The following SMOC2 variants were observed in gnomAD, a reference collection of about 807,000 sequenced individuals.
The protein encoded by SMOC2 is SPARC-related modular calcium-binding protein 2.
Under a neutral mutation model 61.4 loss-of-function variants are expected in SMOC2, and 39 were observed. The observed-to-expected ratio is 0.64, with a 90% CI of 0.49 to 0.83. The LOEUF (loss-of-function observed/expected upper bound fraction) is 0.83, where lower values mean the gene tolerates loss of function less well. Among genes scored for constraint, SMOC2 ranks in the 40% least tolerant of loss-of-function variants. The pLI, the probability that SMOC2 is intolerant of heterozygous loss-of-function variation, is 0.00. For synonymous variants in SMOC2, 247 were observed against 239.9 expected (o/e 1.03, Z -0.27); for missense variants, 556 against 592.9 (o/e 0.94, Z 0.65).
chr6:168,587,581 AGG>A (rs1785072865), intron 7 of SMOC2, among the ~76,000 whole-genome samples: 1 of 152,194 alleles, frequency 6.6e-6, no homozygotes, highest in South Asian at 2.1e-4. Flanking sequence ...TACATCTGAG[AGG>A]AGGATAGAGG....
intron 1 of SMOC2, among the ~76,000 whole-genome samples, chr6:168,498,306 T>C (rs954145397): frequency 1.3e-5 from 2 of 152,220 alleles, no homozygotes; most frequent in East Asian, 3.8e-4. Flanking sequence ...CTCTAAATGC[T>C]TTGAAATGAG....
chr6:168,564,582 TTATAA>T, intron 7 of SMOC2, among the ~76,000 whole-genome samples: 1 of 152,204 alleles, frequency 6.6e-6, no homozygotes, highest in Non-Finnish European at 1.5e-5. Context: ...GAGTTAGACT[TTATAA>T]AATGTAGTGG....
intron 2 of SMOC2, among the ~76,000 whole-genome samples, chr6:168,520,518 C>T (rs980428336): frequency 3.3e-5 from 5 of 152,240 alleles, no homozygotes; most frequent in African/African-American, 7.2e-5. Flanking sequence ...GAAGAGTTTA[C>T]ATGGCCGTGG....
rs901897378 is a variant in SMOC2 at position 168,444,471 on chromosome 6, A to G, written c.84+3017A>G. Among the ~76,000 whole-genome samples the G allele has an allele frequency of 9.2e-5, 14 of 152,252 alleles. No individual in the cohort carries two copies. In the East Asian group the frequency reaches 2.7e-3, roughly 29 times the overall value. On this transcript the variant is annotated intron_variant, in intron 1 of 12. Coordinates refer to ENST00000356284, the MANE Select transcript of SMOC2 (RefSeq NM_001166412.2). Reference sequence around the variant, plus strand: ...GATCTCTCTTCTTTCCACCAAAGTCATTCTTTAGAAATGGCACCATGAGGC... The same window carrying G: ...GATCTCTCTTCTTTCCACCAAAGTCGTTCTTTAGAAATGGCACCATGAGGC...
At chr6:168,592,327 T>G (rs1053929400) in intron 7 of SMOC2, among the ~76,000 whole-genome samples, 3 of 145,842 alleles carry the variant, frequency 2.1e-5, no homozygotes, top group African/African-American at 7.5e-5. Context: ...CGGGCGTCTT[T>G]CTAGAGGATC....
chr6:168,615,672 C>T (rs1459924424), intron 9 of SMOC2, among the ~76,000 whole-genome samples: 2 of 138,364 alleles, frequency 1.4e-5, no homozygotes, highest in African/African-American at 2.7e-5. Context: ...GGGGCCTCTT[C>T]ACACCTACAG....
In SMOC2 at chr6:168,599,022, A is replaced by C. The variant is rs1369300950; in HGVS notation, c.824+18A>C. The stretch of plus-strand genomic sequence containing the variant: ...TCCACAAGGTAAATAGGGTGCACCC[A>C]CCCCCCCCGGGACCATGGGAGGCTT... On this transcript the variant is annotated intron_variant, in intron 8 of 12. Coordinates refer to ENST00000356284, the MANE Select transcript of SMOC2 (RefSeq NM_001166412.2). The C allele has an allele frequency of 8.4e-6, 13 of 1,538,556 alleles. No homozygotes were observed. Among genetic ancestry groups the C allele is most frequent in the Admixed American group, 2.0e-5 (1 of 50,770 alleles).
At chr6:168,599,153 C>CCACACACACCCACGCTCT (rs1554247588) in intron 8 of SMOC2, 149 bp downstream of exon 8, 3 of 696,464 alleles carry the variant, frequency 4.3e-6, no homozygotes, top group Admixed American at 2.8e-5. Context: ...ACACACATAC[C>CCACACACACCCACGCTCT]CACACACACC....
chr6:168,449,038 G>GT (rs1348007805), intron 1 of SMOC2, among the ~76,000 whole-genome samples: 1 of 152,054 alleles, frequency 6.6e-6, no homozygotes, highest in African/African-American at 2.4e-5. Flanking sequence ...TAATTACCTG[G>GT]TTTTTTCTTT....
At chr6:168,516,600 C>T (rs1299848096) in intron 2 of SMOC2, among the ~76,000 whole-genome samples, 2 of 151,754 alleles carry the variant, frequency 1.3e-5, no homozygotes, top group African/African-American at 4.8e-5. Context: ...CTCAGCAAAG[C>T]GGCTGGGACT....
In SMOC2 at chr6:168,630,239, G is replaced by A. The variant is rs546075436; in HGVS notation, c.908-20442G>A. On this transcript the variant is annotated intron_variant, in intron 9 of 12. Coordinates refer to ENST00000356284, the MANE Select transcript of SMOC2 (RefSeq NM_001166412.2). ...ACAACAGAAGCCTGTCCTGTTGCGGGAAGTCAGGGACCCCAAACGGAGGGA... is the reference window on the plus strand; with the variant it reads ...ACAACAGAAGCCTGTCCTGTTGCGGAAAGTCAGGGACCCCAAACGGAGGGA... Among the ~76,000 whole-genome samples, 235 of 152,338 alleles carry A rather than the reference G, an allele frequency of 1.5e-3. 1 individual carries two copies. Among genetic ancestry groups the A allele is most frequent in the Non-Finnish European group, 2.5e-3 (173 of 68,034 alleles).
In SMOC2 at chr6:168,543,079, C is replaced by T. The variant is rs765042220; in HGVS notation, c.464-546C>T. On this transcript the variant is annotated intron_variant, in intron 4 of 12. Transcript: ENST00000356284. Reference sequence around the variant, plus strand: ...CTTCAGTCTGTTGGAAGAGAAAGAACTACACTTTCTATTTGTAATATGCAT... The same window carrying T: ...CTTCAGTCTGTTGGAAGAGAAAGAATTACACTTTCTATTTGTAATATGCAT... Among the ~76,000 whole-genome samples the T allele has an allele frequency of 3.9e-5, 6 of 152,280 alleles. No homozygotes were observed. In the South Asian group the frequency reaches 1.2e-3, roughly 32 times the overall value.
At chr6:168,537,101 C>G (rs1423866871) in intron 4 of SMOC2, among the ~76,000 whole-genome samples, 2 of 152,264 alleles carry the variant, frequency 1.3e-5, no homozygotes, top group African/African-American at 4.8e-5. Flanking sequence ...GAGACCCTGA[C>G]TGGTCCAAAG....
At chr6:168,457,008 G>A (rs1317108850) in intron 1 of SMOC2, among the ~76,000 whole-genome samples, 3 of 152,218 alleles carry the variant, frequency 2.0e-5, no homozygotes, top group Non-Finnish European at 4.4e-5. Flanking sequence ...ACACGCTCAT[G>A]TGAAACGGCA....
intron 7 of SMOC2, among the ~76,000 whole-genome samples, chr6:168,579,028 A>G (rs1023786006): frequency 6.6e-6 from 1 of 152,176 alleles, no homozygotes; most frequent in African/African-American, 2.4e-5. Context: ...TTCAATTCTC[A>G]CAGTAATGCA....
At chr6:168,616,094 T>C (rs1377892488) in intron 9 of SMOC2, among the ~76,000 whole-genome samples, 1 of 152,194 alleles carries the variant, frequency 6.6e-6, no homozygotes, top group African/African-American at 2.4e-5. Flanking sequence ...TTGGTGGCCT[T>C]TGAGAGCCTC....
At chr6:168,620,845 G>A (rs1297660259) in intron 9 of SMOC2, among the ~76,000 whole-genome samples, 1 of 152,188 alleles carries the variant, frequency 6.6e-6, no homozygotes, top group South Asian at 2.1e-4. Context: ...AAATGGCCCA[G>A]CTGATAGGAG....
At chr6:168,644,229 G>A (rs190554973) in intron 9 of SMOC2, among the ~76,000 whole-genome samples, 15 of 152,202 alleles carry the variant, frequency 9.9e-5, no homozygotes, top group African/African-American at 2.9e-4. Context: ...ACATGGCTTC[G>A]GGACCCCTCC....
rs781243001 is a variant in SMOC2, at chr6:168,666,449, C to A, written c.*11C>A. 15 of 1,613,668 alleles carry A rather than the reference C, an allele frequency of 9.3e-6. No homozygotes were observed. In the East Asian group the frequency reaches 3.3e-4, roughly 36 times the overall value. ...AGGAAACAAGGATAAATGGCTCATA[C>A]CCCGAAGGCAGTTCCTAGACACATG... On this transcript the variant is annotated 3_prime_UTR_variant, in exon 13 of 13. Transcript: ENST00000356284.
Sources: gnomAD v4.1 joint callset for allele counts (sites outside exome capture counted in the v4.1 genomes callset) on GRCh38, gnomAD v4.1.1 for gene constraint, MANE v1.5 for transcripts, NCBI Gene and HGNC (gene_info 2026-07-23, HGNC 2026-07-21) for gene names.